Variants in PSPC1 observed in about 807,000 individuals in gnomAD.
The protein encoded by PSPC1 is paraspeckle component 1, also known as paraspeckle protein 1.
PSPC1 carries 14 observed loss-of-function variants against 51.6 expected under a neutral mutation model. The observed-to-expected ratio is 0.27, with a 90% CI of 0.18 to 0.42. PSPC1 has a LOEUF of 0.42. PSPC1 is among the 10% of genes least tolerant of loss of function. PSPC1 has a pLI of 1.00. For synonymous variants in PSPC1, 193 were observed against 231.9 expected, an observed-to-expected ratio of 0.83 and a Z score of 1.53; for missense variants, 406 against 701.1, an observed-to-expected ratio of 0.58 and a Z score of 4.75.
chr13:19,758,829 C>G, intron 3 of PSPC1, among the ~76,000 whole-genome samples: 1 of 150,266 alleles, frequency 6.7e-6, no homozygotes. Flanking sequence ...GAGTAAGACT[C>G]CATCTCAAAA....
intron 2 of PSPC1, among the ~76,000 whole-genome samples, chr13:19,762,943 T>C (rs533300723): frequency 3.3e-5 from 5 of 151,714 alleles, no homozygotes; most frequent in African/African-American, 7.3e-5. Context: ...CCGTCTCTAC[T>C]AAATACAAAA....
At chr13:19,778,410 CACGG>C (rs1889447444) in intron 1 of PSPC1, among the ~76,000 whole-genome samples, 1 of 111,256 alleles carries the variant, frequency 9.0e-6, no homozygotes, top group Admixed American at 9.6e-5. Flanking sequence ...TCCCTCTCCC[CACGG>C]TCTCCCTCTC....
chr13:19,709,482 A>G, intron 7 of PSPC1, 60 bp downstream of exon 7: 3 of 1,298,958 alleles, frequency 2.3e-6, no homozygotes, highest in Non-Finnish European at 2.2e-6. Context: ...TACCACAAAC[A>G]GCATAAACAG....
chr13:19,734,427 T>C (rs773569707), intron 5 of PSPC1, among the ~76,000 whole-genome samples: 1 of 152,236 alleles, frequency 6.6e-6, no homozygotes, highest in Non-Finnish European at 1.5e-5. Context: ...TTGCTGTTAT[T>C]GTTCAGCACT....
intron 6 of PSPC1, among the ~76,000 whole-genome samples, chr13:19,713,559 A>AG: frequency 6.6e-6 from 1 of 151,658 alleles, no homozygotes; most frequent in African/African-American, 2.4e-5. Context: ...AAAAAAAAAA[A>AG]AAAAAAGAAT....
At chr13:19,687,456 T>C (rs1878041573) in intron 6 of PSPC1, among the ~76,000 whole-genome samples, 1 of 152,150 alleles carries the variant, frequency 6.6e-6, no homozygotes. Flanking sequence ...TGTCTCATAT[T>C]TTCATTTGTC....
intron 1 of PSPC1, among the ~76,000 whole-genome samples, chr13:19,779,477 C>T (rs1372191711): frequency 5.3e-5 from 2 of 37,724 alleles, no homozygotes; most frequent in African/African-American, 9.6e-5. Context: ...CCCCTCAGCC[C>T]GGCCAGCCAC....
intron 6 of PSPC1, among the ~76,000 whole-genome samples, chr13:19,725,235 C>A (rs1172233521): frequency 6.6e-6 from 1 of 152,128 alleles, no homozygotes; most frequent in Non-Finnish European, 1.5e-5. Flanking sequence ...TGACTCTTTA[C>A]CATTTCTTCC....
chr13:19,687,195 C>T (rs1398969879), intron 6 of PSPC1, among the ~76,000 whole-genome samples: 1 of 151,882 alleles, frequency 6.6e-6, no homozygotes, highest in Non-Finnish European at 1.5e-5. Flanking sequence ...AGTAAGACTC[C>T]ATCTCAAAAA....
chr13:19,705,968 A>G lies in PSPC1; in HGVS notation c.1217-137T>C, dbSNP rs182688139. ...GCTCCTTAAGAATGCGATATGCGTT[A>G]TCTACTCTGTAATAGGGTATTACCT... On this transcript the variant is annotated intron_variant, in intron 7 of 8. Coordinates refer to ENST00000338910, the MANE Select transcript of PSPC1 (RefSeq NM_001354909.2). 2,903 of 635,222 alleles carry G rather than the reference A, an allele frequency of 4.6e-3. 29 individuals are homozygous for G. Among genetic ancestry groups the G allele is most frequent in the Middle Eastern group, 8.4e-3 (23 of 2,742 alleles). The allele number at this position is 635,222 out of a possible 1,614,324, so 39.3% of individuals were successfully genotyped here. A position where few individuals can be genotyped will look rare whatever the true frequency, so the allele number is the denominator to read the frequency against.
intron 2 of PSPC1, among the ~76,000 whole-genome samples, chr13:19,766,277 G>A (rs1368542412): frequency 1.3e-5 from 2 of 152,136 alleles, no homozygotes; most frequent in Non-Finnish European, 2.9e-5. Flanking sequence ...GGCAGCTGAG[G>A]CACATGAATC....
intron 6 of PSPC1, among the ~76,000 whole-genome samples, chr13:19,718,527 T>C (rs1183655465): frequency 2.6e-5 from 4 of 152,162 alleles, no homozygotes; most frequent in Non-Finnish European, 2.9e-5. Flanking sequence ...AACGTATTGC[T>C]GAAGGGAATA....
rs868391915 is a variant in PSPC1 at position 19,779,593 on chromosome 13, T to C, written c.372+2793A>G. ...CCTCCGCCCGGCCAGCCGCCCCGTC[T>C]GGGAGGTGAGGGGCGCCTCTGCCCG... On this transcript the variant is annotated intron_variant, in intron 1 of 8. Transcript: ENST00000338910. Among the ~76,000 whole-genome samples the C allele has an allele frequency of 7.5e-3, 111 of 14,864 alleles. 2 individuals are homozygous for C. Among genetic ancestry groups the C allele is most frequent in the African/African-American group, 0.019 (98 of 5,218 alleles). The allele number at this position is 14,864 out of a possible 152,430, so 9.8% of individuals were successfully genotyped here.
rs114666339 is a variant in PSPC1, at chr13:19,722,823, T to G, written c.1158+7416A>C. Among the ~76,000 whole-genome samples, 1,349 of 150,356 alleles carry G rather than the reference T, an allele frequency of 9.0e-3. 14 individuals carry two copies. Among genetic ancestry groups the G allele is most frequent in the African/African-American group, 0.031 (1,283 of 40,848 alleles). ...AAAACAAAAACAAAAACAAAAAAAT[T>G]TTCTGGCCAGGCACAGTGACTCATG... On this transcript the variant is annotated intron_variant, in intron 6 of 8. Transcript: ENST00000338910.
chr13:19,719,211 C>T (rs1421319411), intron 6 of PSPC1, among the ~76,000 whole-genome samples: 2 of 151,822 alleles, frequency 1.3e-5, no homozygotes, highest in East Asian at 1.9e-4. Context: ...GCATGTGGCA[C>T]GGGGTAGACG....
Position 19,772,336 on chromosome 13 carries a change from T to C in PSPC1, c.580A>G (p.Arg194Gly). 1 of 1,614,246 alleles carries C rather than the reference T, an allele frequency of 6.2e-7. No homozygotes were observed. Residue 194 changes from arginine (R) to glycine (G), a missense_variant, in exon 2 of 9, where the codon AGA becomes GGA. By Grantham distance (125) the Arg-to-Gly change is moderately radical. Coordinates refer to ENST00000338910, the MANE Select transcript of PSPC1 (RefSeq NM_001354909.2). ...TCTACAAAACCTTTTCCTGTAGCTC[T>C]ACCGCGATCATCCACAACCACAACA... is the stretch of plus-strand genomic sequence containing the variant. ...KAVVVVDDRG[R>G]ATGKGFVEFA...
chr13:19,747,503 C>A (rs1205959769), intron 4 of PSPC1, among the ~76,000 whole-genome samples: 1 of 152,094 alleles, frequency 6.6e-6, no homozygotes. Context: ...CAGCTAATTT[C>A]TGTACTTTTG....
At chr13:19,681,620 A>T (rs1306994756) in intron 6 of PSPC1, among the ~76,000 whole-genome samples, 4 of 152,216 alleles carry the variant, frequency 2.6e-5, no homozygotes, top group African/African-American at 9.6e-5. Context: ...CACAGGGACC[A>T]GCATTCTTTT....
chr13:19,736,735 A>C (rs148277486), intron 5 of PSPC1, among the ~76,000 whole-genome samples: 1 of 152,138 alleles, frequency 6.6e-6, no homozygotes, highest in African/African-American at 2.4e-5. Context: ...AGTATTCCAC[A>C]TCTCAGCCTA....
Sources: gnomAD v4.1 joint callset for allele counts (sites outside exome capture counted in the v4.1 genomes callset) on GRCh38, gnomAD v4.1.1 for gene constraint, MANE v1.5 for transcripts, NCBI Gene and HGNC (gene_info 2026-07-23, HGNC 2026-07-21) for gene names.